HUNK: variants seen among roughly 807,000 people sequenced by gnomAD.
The protein encoded by HUNK is hormonally up-regulated neu tumor-associated kinase.
Under a neutral mutation model 61.0 loss-of-function variants are expected in HUNK, and 21 were observed. The observed-to-expected ratio is 0.34, with a 90% CI of 0.24 to 0.50. The LOEUF (loss-of-function observed/expected upper bound fraction) is 0.50. HUNK is among the 20% of genes least tolerant of loss of function. The pLI is 0.98. For missense variants in HUNK, 772 were observed against 945.7 expected, an observed-to-expected ratio of 0.82 and a Z score of 2.41; for synonymous variants, 371 against 386.1, an observed-to-expected ratio of 0.96 and a Z score of 0.46.
chr21:31,912,559 C>T (rs937931419), intron 1 of HUNK, among the ~76,000 whole-genome samples: 2 of 151,778 alleles, frequency 1.3e-5, no homozygotes, highest in African/African-American at 2.4e-5. Context: ...TTTTTTTGTT[C>T]GAGATAGGGC....
At chr21:31,913,725 G>A (rs948145430) in intron 1 of HUNK, among the ~76,000 whole-genome samples, 1 of 151,872 alleles carries the variant, frequency 6.6e-6, no homozygotes, top group Non-Finnish European at 1.5e-5. Flanking sequence ...GGAAGTGGAG[G>A]GGTGGACGCG....
At position 31,924,957 on chromosome 21, in the gene HUNK, C is replaced by T. The variant is rs138554523; in HGVS notation, c.554+197C>T. Among the ~76,000 whole-genome samples, 20 of 152,206 alleles carry T rather than the reference C, an allele frequency of 1.3e-4. No homozygotes were observed. Among genetic ancestry groups the T allele is most frequent in the African/African-American group, 4.1e-4 (17 of 41,524 alleles). ...TGTTGCCCAGGCTGGAGTGCAATGG[C>T]GCAGTCATGGCTCACTGCAACCTCC... On this transcript the variant is annotated intron_variant, in intron 2 of 10. Coordinates refer to ENST00000270112, the MANE Select transcript of HUNK (RefSeq NM_014586.2). The surrounding 1 kb of genome is among the most constrained non-coding windows in gnomAD (Gnocchi z 5.1).
chr21:31,895,612 G>T (rs567308842), intron 1 of HUNK, among the ~76,000 whole-genome samples: 2 of 152,304 alleles, frequency 1.3e-5, no homozygotes, highest in South Asian at 4.1e-4. Flanking sequence ...CATTAGGAGA[G>T]TAACTTCTGA....
Position 31,974,737 on chromosome 21 carries a change from C to T in HUNK, c.1173+20C>T, listed in dbSNP as rs376886034. ...TCAGGGGTAAGTGCGACCCTAGAGGCGATCGTCTCTGCTGTCTGTGGAAAA... is the reference window on the plus strand; with the variant it reads ...TCAGGGGTAAGTGCGACCCTAGAGGTGATCGTCTCTGCTGTCTGTGGAAAA... On this transcript the variant is annotated intron_variant, in intron 7 of 10. Transcript: ENST00000270112. 14 of 1,598,298 alleles carry T rather than the reference C, an allele frequency of 8.8e-6. No homozygotes were observed. Among genetic ancestry groups the T allele is most frequent in the Admixed American group, 7.0e-5 (4 of 57,384 alleles).
intron 1 of HUNK, among the ~76,000 whole-genome samples, chr21:31,885,439 C>G (rs2052339533): frequency 2.0e-5 from 3 of 152,202 alleles, no homozygotes. Flanking sequence ...CCCTGTCACT[C>G]TCTGCCCCTT....
intron 4 of HUNK, among the ~76,000 whole-genome samples, chr21:31,957,118 A>G (rs573397663): frequency 3.9e-4 from 59 of 152,328 alleles, no homozygotes; most frequent in African/African-American, 1.4e-3. Flanking sequence ...TGTGGTCAAA[A>G]GTGGTGCAAT....
At chr21:31,892,174 T>TAGAG (rs1304092803) in intron 1 of HUNK, among the ~76,000 whole-genome samples, 4 of 122,032 alleles carry the variant, frequency 3.3e-5, no homozygotes, top group Admixed American at 8.2e-5. Flanking sequence ...TATATATATA[T>TAGAG]ATATATAGAG....
intron 2 of HUNK, among the ~76,000 whole-genome samples, chr21:31,932,626 C>T (rs1439645166): frequency 2.0e-5 from 3 of 152,250 alleles, no homozygotes; most frequent in South Asian, 2.1e-4. Context: ...TCTGTAAAAA[C>T]ACCCTGCACT....
chr21:31,930,715 G>A (rs969272859), intron 2 of HUNK, among the ~76,000 whole-genome samples: 2 of 152,218 alleles, frequency 1.3e-5, no homozygotes, highest in African/African-American at 4.8e-5. Flanking sequence ...TAGTGTCAGA[G>A]TTTGCACTGG....
intron 4 of HUNK, among the ~76,000 whole-genome samples, chr21:31,949,452 C>T (rs1474906135): frequency 6.6e-6 from 1 of 152,210 alleles, no homozygotes; most frequent in Non-Finnish European, 1.5e-5. Context: ...GTCTGGCACA[C>T]TGTCTTCCCT....
intron 1 of HUNK, among the ~76,000 whole-genome samples, chr21:31,920,832 A>G (rs1329513018): frequency 1.3e-5 from 2 of 152,000 alleles, no homozygotes; most frequent in Non-Finnish European, 2.9e-5. Flanking sequence ...CCATCTTTGG[A>G]TTAAGGGCCT....
At chr21:31,881,588 A>C (rs1034964682) in intron 1 of HUNK, among the ~76,000 whole-genome samples, 1 of 152,124 alleles carries the variant, frequency 6.6e-6, no homozygotes, top group Non-Finnish European at 1.5e-5. Flanking sequence ...GTGCCACTGC[A>C]CTCCAGCCTG....
intron 1 of HUNK, among the ~76,000 whole-genome samples, chr21:31,896,465 A>T (rs1428723267): frequency 2.0e-5 from 3 of 152,340 alleles, no homozygotes; most frequent in African/African-American, 7.2e-5. Flanking sequence ...AGATACCACG[A>T]TACCTGGAAA....
At chr21:31,952,476 G>C (rs549076247) in intron 4 of HUNK, among the ~76,000 whole-genome samples, 5 of 152,272 alleles carry the variant, frequency 3.3e-5, no homozygotes, top group African/African-American at 1.2e-4. Context: ...ACCTGCCGGG[G>C]TGGCTCTGTC....
intron 7 of HUNK, among the ~76,000 whole-genome samples, chr21:31,976,934 C>T (rs2053054476): frequency 6.6e-6 from 1 of 151,928 alleles, no homozygotes; most frequent in Non-Finnish European, 1.5e-5. Flanking sequence ...CCATGACCAA[C>T]TAATTTTTGT....
At chr21:31,991,997 C>T (rs1334828018) in intron 9 of HUNK, among the ~76,000 whole-genome samples, 1 of 152,240 alleles carries the variant, frequency 6.6e-6, no homozygotes, top group Non-Finnish European at 1.5e-5. Flanking sequence ...TGGGAAAACA[C>T]CTCCCTCGAG....
intron 2 of HUNK, among the ~76,000 whole-genome samples, chr21:31,930,999 A>G (rs1028786924): frequency 7.5e-6 from 1 of 133,862 alleles, no homozygotes; most frequent in African/African-American, 2.8e-5. Context: ...AAATACCCAT[A>G]TTGTAAATAA....
chr21:31,881,453 C>T (rs1196795361), intron 1 of HUNK, among the ~76,000 whole-genome samples: 1 of 151,960 alleles, frequency 6.6e-6, no homozygotes, highest in African/African-American at 2.4e-5. Flanking sequence ...ATGGTGAAAC[C>T]CTGTCTCTAC....
At chr21:31,947,429 C>G (rs547506513) in intron 4 of HUNK, among the ~76,000 whole-genome samples, 1 of 152,258 alleles carries the variant, frequency 6.6e-6, no homozygotes, top group African/African-American at 2.4e-5. Context: ...CTGCCGAGAT[C>G]ATTTCTGAGC....
Sources: gnomAD v4.1 joint callset for allele counts (sites outside exome capture counted in the v4.1 genomes callset) on GRCh38, gnomAD v4.1.1 for gene constraint, Gnocchi (gnomAD v3.1) non-coding constraint, MANE v1.5 for transcripts, NCBI Gene and HGNC (gene_info 2026-07-23, HGNC 2026-07-21) for gene names.